Variants in PRKN observed in about 807,000 individuals in gnomAD.
PRKN encodes parkin RBR E3 ubiquitin protein ligase.
PRKN carries 56 observed loss-of-function variants against 59.5 expected under a neutral mutation model. That is an observed-to-expected ratio of 0.94 (90% CI 0.76 to 1.18). The LOEUF is 1.18. Ranked by LOEUF, PRKN falls within the 50% of genes most tolerant of loss-of-function variation. The pLI, the probability that PRKN is intolerant of heterozygous loss-of-function variation, is 0.00. For synonymous variants in PRKN, 250 were observed against 222.1 expected, an observed-to-expected ratio of 1.13 and a Z score of -1.12; for missense variants, 657 against 596.4, an observed-to-expected ratio of 1.10 and a Z score of -1.06.
chr6:162,521,871 G>A (rs868842738), intron 1 of PRKN, among the ~76,000 whole-genome samples: 3 of 152,046 alleles, frequency 2.0e-5, no homozygotes, highest in African/African-American at 4.8e-5. Flanking sequence ...AATATTAGGG[G>A]CAAGTAAGCA....
At chr6:162,373,206 G>A (rs187861732) in intron 2 of PRKN, among the ~76,000 whole-genome samples, 215 of 152,232 alleles carry the variant, frequency 1.4e-3, no homozygotes, top group African/African-American at 4.8e-3. Context: ...CTACTTCAAC[G>A]GAGCTTTCAT....
chr6:161,953,738 A>G (rs543677255), intron 6 of PRKN, among the ~76,000 whole-genome samples: 2 of 152,332 alleles, frequency 1.3e-5, no homozygotes, highest in African/African-American at 4.8e-5. Context: ...CTACACACAC[A>G]TGTACATTCC....
At chr6:162,129,974 C>G (rs539761029) in intron 4 of PRKN, among the ~76,000 whole-genome samples, 1 of 152,138 alleles carries the variant, frequency 6.6e-6, no homozygotes, top group Non-Finnish European at 1.5e-5. Context: ...ATGAGCCTTA[C>G]AGTCTCAGAG....
chr6:162,631,837 C>G (rs1267570048), intron 1 of PRKN, among the ~76,000 whole-genome samples: 3 of 152,016 alleles, frequency 2.0e-5, no homozygotes, highest in African/African-American at 7.2e-5. Context: ...TACATTTAAT[C>G]TTTGGTCCAT....
intron 5 of PRKN, among the ~76,000 whole-genome samples, chr6:161,996,149 T>C (rs933072975): frequency 1.3e-5 from 2 of 148,390 alleles, no homozygotes; most frequent in African/African-American, 5.0e-5. Context: ...ATCCAACAGA[T>C]AAATGGATAA....
intron 1 of PRKN, among the ~76,000 whole-genome samples, chr6:162,618,785 GATAAACAT>G (rs1463645253): frequency 1.3e-5 from 2 of 152,156 alleles, no homozygotes; most frequent in East Asian, 3.9e-4. Flanking sequence ...CTATCAAAAA[GATAAACAT>G]CTTGTTTTAG....
At chr6:161,689,024 G>A (rs1354238422) in intron 7 of PRKN, among the ~76,000 whole-genome samples, 1 of 152,122 alleles carries the variant, frequency 6.6e-6, no homozygotes, top group East Asian at 1.9e-4. Context: ...TGAGTGCAAA[G>A]CCTATGAAGA....
chr6:162,275,975 T>C (rs1206491517), intron 2 of PRKN, among the ~76,000 whole-genome samples: 1 of 152,208 alleles, frequency 6.6e-6, no homozygotes. Context: ...CAGTCTGCTT[T>C]GAACACTTTT....
intron 6 of PRKN, among the ~76,000 whole-genome samples, chr6:161,919,768 G>A (rs1778709232): frequency 6.6e-6 from 1 of 152,172 alleles, no homozygotes; most frequent in Admixed American, 6.5e-5. Flanking sequence ...GACTGTACAG[G>A]GGTCTACTAC....
intron 9 of PRKN, among the ~76,000 whole-genome samples, chr6:161,532,675 G>A (rs973588347): frequency 3.3e-5 from 5 of 152,112 alleles, no homozygotes; most frequent in South Asian, 2.1e-4. Context: ...CATGGGTTAC[G>A]AGACGGGAGA....
At position 161,914,579 on chromosome 6, in the gene PRKN, T is replaced by C. The variant is rs187311521; in HGVS notation, c.734+58723A>G. On this transcript the variant is annotated intron_variant, in intron 6 of 11. Transcript: ENST00000366898. ...AAAAGAAAAAAAAATTGTGAAATGC[T>C]TCATAGTCCTTTGTGTCAAGAGCTC... Among the ~76,000 whole-genome samples the C allele has an allele frequency of 1.8e-4, 27 of 152,184 alleles. No individual in the cohort carries two copies. The East Asian group carries it at 5.2e-3, about 30-fold the overall frequency.
At chr6:162,461,499 CAAAAAAAAAAAAA>C (rs780424226) in intron 1 of PRKN, among the ~76,000 whole-genome samples, 9 of 36,514 alleles carry the variant, frequency 2.5e-4, no homozygotes, top group African/African-American at 7.0e-4. Flanking sequence ...TAAAGTGTCT[CAAAAAAAAAAAAA>C]AAAAAAAAAA....
At chr6:162,559,425 G>A (rs570042189) in intron 1 of PRKN, among the ~76,000 whole-genome samples, 86 of 152,030 alleles carry the variant, frequency 5.7e-4, no homozygotes, top group Non-Finnish European at 1.0e-3. Context: ...TCCCATTTGT[G>A]GATGTAACTG....
In PRKN at chr6:161,588,314, A is replaced by G. The variant is rs1477729982; in HGVS notation, c.872-18898T>C. ...CAGGAGAATTGCCTCAGGAGGAGGC[A>G]GGTTGTGGTGAGCCGAAGAGGCGCC... On this transcript the variant is annotated intron_variant, in intron 7 of 11. Transcript: ENST00000366898. The surrounding 1 kb of genome is among the most constrained non-coding windows in gnomAD (Gnocchi z 5.0). Among the ~76,000 whole-genome samples, 1 of 151,972 alleles carries G rather than the reference A, an allele frequency of 6.6e-6. No individual in the cohort carries two copies. Among genetic ancestry groups the G allele is most frequent in the African/African-American group, 2.4e-5 (1 of 41,384 alleles).
intron 6 of PRKN, among the ~76,000 whole-genome samples, chr6:161,865,347 G>A (rs1177498098): frequency 6.6e-6 from 1 of 152,160 alleles, no homozygotes; most frequent in Non-Finnish European, 1.5e-5. Context: ...TGGTAAATGA[G>A]CATTTGCTCC....
chr6:161,863,762 A>G (rs149503380), intron 6 of PRKN, among the ~76,000 whole-genome samples: 3 of 152,324 alleles, frequency 2.0e-5, no homozygotes, highest in East Asian at 1.9e-4. Context: ...ATATAGGCAT[A>G]GCTCATAGCT....
chr6:162,168,498 G>A (rs1175951915), intron 4 of PRKN, among the ~76,000 whole-genome samples: 1 of 122,198 alleles, frequency 8.2e-6, no homozygotes, highest in African/African-American at 3.2e-5. Context: ...AATCCAAGGG[G>A]AATTATGACA....
chr6:162,418,947 C>G (rs1788806769), intron 2 of PRKN, among the ~76,000 whole-genome samples: 3 of 151,942 alleles, frequency 2.0e-5, no homozygotes, highest in East Asian at 2.0e-4. Flanking sequence ...TCCCACCCCC[C>G]AACCCTGGAG....
chr6:161,895,545 A>C (rs1367704735), intron 6 of PRKN, among the ~76,000 whole-genome samples: 1 of 103,340 alleles, frequency 9.7e-6, no homozygotes, highest in Non-Finnish European at 2.0e-5. Context: ...TCTGAGATTC[A>C]GGAGCACGCC....
Sources: allele counts gnomAD v4.1 joint callset (sites outside exome capture counted in the v4.1 genomes callset), GRCh38; gene constraint gnomAD v4.1.1; non-coding constraint Gnocchi (gnomAD v3.1); transcripts MANE v1.5; gene names NCBI Gene and HGNC (gene_info 2026-07-23, HGNC 2026-07-21).